The following AGBL3 variants were observed in gnomAD, a reference collection of about 807,000 sequenced individuals.
The protein encoded by AGBL3 is AGBL carboxypeptidase 3.
Under a neutral mutation model 94.5 loss-of-function variants are expected in AGBL3, and 68 were observed. The observed-to-expected ratio is 0.72, with a 90% CI of 0.59 to 0.88. The LOEUF is 0.88. Among genes scored for constraint, AGBL3 ranks in the 40% least tolerant of loss-of-function variants. The probability of loss-of-function intolerance (pLI) is 0.00; values close to 1 mark genes in which losing one functional copy is unlikely to be tolerated. For missense variants in AGBL3, 934 were observed against 1,103.8 expected (o/e 0.85, Z 2.18); for synonymous variants, 354 against 370.7 (o/e 0.95, Z 0.52).
Position 135,034,306 on chromosome 7 carries a change from A to G in AGBL3, c.715A>G (p.Met239Val). The G allele has an allele frequency of 1.3e-6, 2 of 1,551,762 alleles. No individual in the cohort carries two copies. The highest frequency in any genetic ancestry group is 1.7e-6 in the Non-Finnish European group (2 of 1,146,998). ...TKPASLYSRG[M>V]RPLFYSEKEA... ...ACCTGCTAGTCTTTACAGTCGGGGT[A>G]TGCGCCCACTGTTCTATTCTGAAAA... Residue 239 changes from methionine to valine, a missense_variant, in exon 7 of 17, where the codon ATG (methionine) becomes GTG (valine). Transcript: ENST00000436302.
At chr7:135,090,572 C>A (rs1349861929) in intron 15 of AGBL3, among the ~76,000 whole-genome samples, 1 of 152,154 alleles carries the variant, frequency 6.6e-6, no homozygotes, top group African/African-American at 2.4e-5. Context: ...GTGGCCCAGG[C>A]ACCATTTCCC....
chr7:135,114,254 A>G (rs1323472240), intron 15 of AGBL3, among the ~76,000 whole-genome samples: 2 of 152,142 alleles, frequency 1.3e-5, no homozygotes, highest in African/African-American at 4.8e-5. Flanking sequence ...CCTATTTTTA[A>G]TTATTGAGGA....
chr7:135,110,784 C>T (rs979558150), intron 15 of AGBL3, among the ~76,000 whole-genome samples: 2 of 152,192 alleles, frequency 1.3e-5, no homozygotes, highest in African/African-American at 2.4e-5. Flanking sequence ...TAGCCAGCCT[C>T]CCAACCACTT....
At chr7:135,125,522 A>T (rs950526791) in intron 16 of AGBL3, among the ~76,000 whole-genome samples, 26 of 152,208 alleles carry the variant, frequency 1.7e-4, no homozygotes, top group African/African-American at 5.8e-4. Context: ...AAAAGGAGGG[A>T]CTCCTCCCTA....
intron 5 of AGBL3, among the ~76,000 whole-genome samples, chr7:135,020,402 G>A (rs1161107026): frequency 2.0e-5 from 3 of 152,146 alleles, no homozygotes; most frequent in Non-Finnish European, 2.9e-5. Context: ...TAAAAAGTCA[G>A]GAAACAAAGG....
At chr7:135,014,436 T>TA (rs1329658126) in intron 4 of AGBL3, among the ~76,000 whole-genome samples, 2 of 152,066 alleles carry the variant, frequency 1.3e-5, no homozygotes, top group African/African-American at 4.8e-5. Context: ...ATCATTTGCA[T>TA]ATACCATATC....
Position 135,076,411 on chromosome 7 carries a change from A to G in AGBL3, c.1923A>G (p.Lys641=), listed in dbSNP as rs997644033. 9.0e-6 allele frequency: 14 copies of G among 1,547,336 alleles called. No homozygotes were observed. Among genetic ancestry groups the G allele is most frequent in the Middle Eastern group, 1.7e-4 (1 of 6,000 alleles). The change falls in exon 13 of 17, where the codon AAA becomes AAG. Residue 641 remains lysine, a synonymous_variant. Transcript: ENST00000436302. ...LKLTSQKKHL[K]TKKERNSTIA... is the part of the protein sequence containing the mutation. Reference sequence around the variant, plus strand: ...TCTTTTACTAGAAAAAACATTTGAAAACAAAGAAGGAAAGGAATTCTACCA... The same window carrying G: ...TCTTTTACTAGAAAAAACATTTGAAGACAAAGAAGGAAAGGAATTCTACCA...
Position 135,124,481 on chromosome 7 carries a change from G to C in AGBL3, c.2342+8870G>C, listed in dbSNP as rs1170182387. 2.0e-5 allele frequency among the ~76,000 whole-genome samples: 3 copies of C among 152,158 alleles called. No homozygotes were observed. The East Asian group carries it at 5.8e-4, about 29-fold the overall frequency. On this transcript the variant is annotated intron_variant, in intron 16 of 16. Coordinates refer to ENST00000436302, the MANE Select transcript of AGBL3 (RefSeq NM_178563.4). ...AACACCCCACTGTCAATATTAGACA[G>C]ATCAACAAGACAGAAAATTAACAAG...
intron 16 of AGBL3, among the ~76,000 whole-genome samples, chr7:135,131,618 A>C (rs1237207105): frequency 6.6e-6 from 1 of 152,018 alleles, no homozygotes; most frequent in East Asian, 1.9e-4. Flanking sequence ...ATCTGAAATC[A>C]ATAATCTAAG....
At chr7:135,035,005 C>T in intron 7 of AGBL3, 77 bp downstream of exon 7, 1 of 1,267,344 alleles carries the variant, frequency 7.9e-7, no homozygotes, top group East Asian at 2.6e-5. Flanking sequence ...CAATCTCATT[C>T]ATTTTACTGT....
intron 5 of AGBL3, among the ~76,000 whole-genome samples, chr7:135,026,818 G>A (rs1182753414): frequency 6.6e-6 from 1 of 151,404 alleles, no homozygotes; most frequent in Admixed American, 6.6e-5. Context: ...TAATTAGAGT[G>A]GTTTGACAGT....
intron 2 of AGBL3, among the ~76,000 whole-genome samples, chr7:134,988,998 C>T (rs996220569): frequency 2.6e-5 from 4 of 151,250 alleles, no homozygotes; most frequent in African/African-American, 9.8e-5. Context: ...AACTTTATTC[C>T]TTCCATAAAG....
chr7:135,091,063 T>G (rs1821787741), intron 15 of AGBL3, among the ~76,000 whole-genome samples: 1 of 152,132 alleles, frequency 6.6e-6, no homozygotes, highest in African/African-American at 2.4e-5. Flanking sequence ...AGTAGGTGTC[T>G]AATGTGTTGA....
intron 5 of AGBL3, among the ~76,000 whole-genome samples, chr7:135,024,163 T>C (rs1357703399): frequency 2.0e-5 from 3 of 151,960 alleles, no homozygotes; most frequent in Non-Finnish European, 4.4e-5. Context: ...CTGGAACACC[T>C]AACAACAAAA....
intron 4 of AGBL3, among the ~76,000 whole-genome samples, chr7:135,015,440 C>T (rs1248278701): frequency 6.6e-6 from 1 of 152,128 alleles, no homozygotes; most frequent in Non-Finnish European, 1.5e-5. Flanking sequence ...TAACTGAATG[C>T]TCACCCTGTT....
At chr7:135,075,785 G>T (rs371488802) in intron 12 of AGBL3, among the ~76,000 whole-genome samples, 1 of 152,200 alleles carries the variant, frequency 6.6e-6, no homozygotes, top group Non-Finnish European at 1.5e-5. Flanking sequence ...TGACAAGTGC[G>T]TTATCTCATT....
chr7:135,058,256 T>C (rs1360382031), intron 11 of AGBL3, among the ~76,000 whole-genome samples: 1 of 152,088 alleles, frequency 6.6e-6, no homozygotes, highest in Non-Finnish European at 1.5e-5. Context: ...AGAACTTTTC[T>C]AAAAACATAA....
Position 135,000,352 on chromosome 7 carries a change from C to T in AGBL3, c.310+6674C>T, listed in dbSNP as rs899938002. 9.2e-5 allele frequency among the ~76,000 whole-genome samples: 14 copies of T among 152,216 alleles called. No homozygotes were observed. In the South Asian group the frequency reaches 1.5e-3, roughly 16 times the overall value. ...ATTGGTAGATTCAGTAAAGAAGATC[C>T]ACCATCACCAATATAAGGAGGTGGG... is the stretch of plus-strand genomic sequence containing the variant. On this transcript the variant is annotated intron_variant, in intron 4 of 16. Transcript: ENST00000436302.
chr7:135,080,132 T>A, intron 13 of AGBL3, 71 bp from the exon 14 acceptor site: 1 of 1,181,194 alleles, frequency 8.5e-7, no homozygotes, highest in Non-Finnish European at 1.2e-6. Flanking sequence ...ATACCATAAA[T>A]CATATAGGAA....
Sources: gnomAD v4.1 joint callset for allele counts (sites outside exome capture counted in the v4.1 genomes callset) on GRCh38, gnomAD v4.1.1 for gene constraint, MANE v1.5 for transcripts, NCBI Gene and HGNC (gene_info 2026-07-23, HGNC 2026-07-21) for gene names.